The following PCED1B variants were observed in gnomAD, a reference collection of about 807,000 sequenced individuals.
PCED1B encodes PC-esterase domain containing 1B.
For missense variants in PCED1B, 573 were observed against 573.9 expected (o/e 1.00, Z 0.02); for synonymous variants, 251 against 246.1 (o/e 1.02, Z -0.19).
intron 1 of PCED1B, chr12:47,080,089 C>A (rs984670260): frequency 2.6e-5 from 4 of 152,528 alleles, no homozygotes; most frequent in African/African-American, 9.6e-5. Flanking sequence ...CCGCTTTCCT[C>A]CTCCAGCTCC....
chr12:47,114,986 C>G (rs988653652), intron 2 of PCED1B, among the ~76,000 whole-genome samples: 14 of 152,094 alleles, frequency 9.2e-5, no homozygotes, highest in African/African-American at 3.4e-4. Context: ...AAGTTGGTAT[C>G]TTTTTCAAAA....
chr12:47,091,252 T>C (rs1291646221), intron 1 of PCED1B, among the ~76,000 whole-genome samples: 2 of 152,162 alleles, frequency 1.3e-5, no homozygotes, highest in Non-Finnish European at 2.9e-5. Context: ...GCAAGTGTTA[T>C]TTTATTATGG....
intron 2 of PCED1B, among the ~76,000 whole-genome samples, chr12:47,112,422 A>G (rs183670135): frequency 6.6e-6 from 1 of 152,340 alleles, no homozygotes; most frequent in East Asian, 1.9e-4. Flanking sequence ...AAATTTCTCT[A>G]TACTTCATTA....
At chr12:47,232,657 T>C (rs548345515) in intron 3 of PCED1B, among the ~76,000 whole-genome samples, 30 of 152,304 alleles carry the variant, frequency 2.0e-4, no homozygotes, top group Non-Finnish European at 3.7e-4. Flanking sequence ...GTGTTTCTAC[T>C]ATTTAGTCAT....
chr12:47,082,581 G>T (rs538267358), intron 1 of PCED1B, among the ~76,000 whole-genome samples: 2 of 152,300 alleles, frequency 1.3e-5, no homozygotes, highest in South Asian at 4.1e-4. Flanking sequence ...TGTAATGATG[G>T]TGATAATAAA....
chr12:47,228,266 G>T (rs1326009180), intron 3 of PCED1B, among the ~76,000 whole-genome samples: 1 of 152,102 alleles, frequency 6.6e-6, no homozygotes, highest in Non-Finnish European at 1.5e-5. Context: ...GACCTCAGGT[G>T]ATCTGCCCTT....
At chr12:47,185,167 T>C (rs959127502) in intron 2 of PCED1B, among the ~76,000 whole-genome samples, 3 of 152,212 alleles carry the variant, frequency 2.0e-5, no homozygotes, top group Non-Finnish European at 2.9e-5. Context: ...AAAAGATATG[T>C]TGATATCCTA....
intron 2 of PCED1B, among the ~76,000 whole-genome samples, chr12:47,194,986 GA>G (rs77976488): frequency 0.1 from 15,404 of 152,184 alleles, 2,112 homozygotes; most frequent in African/African-American, 0.31. Flanking sequence ...TCTTGTATGA[GA>G]GGGGGGAAGA....
At chr12:47,218,156 TTGGAGC>T (rs1297677667) in intron 3 of PCED1B, among the ~76,000 whole-genome samples, 1 of 152,198 alleles carries the variant, frequency 6.6e-6, no homozygotes, top group African/African-American at 2.4e-5. Flanking sequence ...TGACTTATTT[TTGGAGC>T]TGGAGGAGAA....
At chr12:47,227,097 T>A (rs2137870603) in intron 3 of PCED1B, among the ~76,000 whole-genome samples, 1 of 152,330 alleles carries the variant, frequency 6.6e-6, no homozygotes, top group South Asian at 2.1e-4. Context: ...GTTACAGTGC[T>A]CCTCTTTATC....
At position 47,145,115 on chromosome 12, in the gene PCED1B, GC is replaced by G. The variant is rs1246673718; in HGVS notation, c.-526+40922del. ...ATACAAACGATAAGAAAGCAAAACA[GC>G]CTTATTGCTGATATGGAAAATATTT... On this transcript the variant is annotated intron_variant, in intron 2 of 3. Coordinates refer to ENST00000546455, the MANE Select transcript of PCED1B (RefSeq NM_138371.3). Among the ~76,000 whole-genome samples, 7 of 152,278 alleles carry G rather than the reference GC, an allele frequency of 4.6e-5. No individual in the cohort carries two copies. In the East Asian group the frequency reaches 1.3e-3, roughly 29 times the overall value.
intron 3 of PCED1B, among the ~76,000 whole-genome samples, chr12:47,231,817 C>T (rs770890134): frequency 1.6e-4 from 24 of 152,148 alleles, no homozygotes; most frequent in Non-Finnish European, 2.6e-4. Flanking sequence ...GCACAGATTA[C>T]GGCCAGAGTG....
chr12:47,216,241 G>C lies in PCED1B; in HGVS notation c.-506G>C, dbSNP rs1188993834. 1 of 152,130 alleles carries C rather than the reference G, an allele frequency of 6.6e-6. No homozygotes were observed. The highest frequency in any genetic ancestry group is 1.5e-5 in the Non-Finnish European group (1 of 68,008). The allele number at this position is 152,130 out of a possible 1,614,324, so 9.4% of individuals were successfully genotyped here. On this transcript the variant is annotated 5_prime_UTR_variant, in exon 3 of 4. Coordinates refer to ENST00000546455, the MANE Select transcript of PCED1B (RefSeq NM_138371.3). ...TTTCAGCCGTGAACATACCACACCA[G>C]CAAGAACAATAAGAGCCAAGGGTCT...
intron 1 of PCED1B, among the ~76,000 whole-genome samples, chr12:47,102,721 C>G (rs1454813579): frequency 2.0e-5 from 3 of 151,804 alleles, no homozygotes; most frequent in African/African-American, 7.3e-5. Flanking sequence ...ATGGTAATAA[C>G]ACCCACTTTA....
At chr12:47,222,193 G>T (rs1478961271) in intron 3 of PCED1B, among the ~76,000 whole-genome samples, 1 of 151,198 alleles carries the variant, frequency 6.6e-6, no homozygotes, top group African/African-American at 2.4e-5. Context: ...GCCGAGGAGG[G>T]TGGATCACCT....
chr12:47,170,286 G>C (rs2137546155), intron 2 of PCED1B, among the ~76,000 whole-genome samples: 1 of 152,318 alleles, frequency 6.6e-6, no homozygotes, highest in East Asian at 1.9e-4. Flanking sequence ...AGTCTCCTAT[G>C]TCTACTTCTT....
rs141228836 is a variant in PCED1B at position 47,235,985 on chromosome 12, C to T, written c.922C>T (p.Gln308Ter). Residue 308 changes from glutamine to a stop codon, truncating the protein, a stop_gained, in exon 4 of 4, where the codon CAG becomes TAG. Coordinates refer to ENST00000546455, the MANE Select transcript of PCED1B (RefSeq NM_138371.3). LOFTEE classifies it low-confidence loss of function (END_TRUNC). The part of the protein sequence containing the change: ...TYRPLLGFPP[Q>*]RLPLLPLLSP... ...CCGCCCCCTGCTTGGGTTCCCACCC[C>T]AGCGCTTGCCGCTGCTCCCGCTCCT... The T allele has an allele frequency of 9.9e-6, 16 of 1,612,700 alleles. 1 individual carries two copies. The South Asian group carries it at 1.7e-4, about 17-fold the overall frequency.
At chr12:47,170,619 C>T (rs1287592817) in intron 2 of PCED1B, among the ~76,000 whole-genome samples, 1 of 152,174 alleles carries the variant, frequency 6.6e-6, no homozygotes, top group African/African-American at 2.4e-5. Context: ...TCTCCTTTCT[C>T]TTTGTGATAT....
intron 2 of PCED1B, among the ~76,000 whole-genome samples, chr12:47,153,588 C>A (rs1941083583): frequency 6.6e-6 from 1 of 152,116 alleles, no homozygotes; most frequent in Non-Finnish European, 1.5e-5. Context: ...GAAAAGTCAT[C>A]TGTACAGAAA....
Sources: allele counts gnomAD v4.1 joint callset (sites outside exome capture counted in the v4.1 genomes callset), GRCh38; gene constraint gnomAD v4.1.1; transcripts MANE v1.5; gene names NCBI Gene and HGNC (gene_info 2026-07-23, HGNC 2026-07-21).